BMPER: variants seen among roughly 807,000 people sequenced by gnomAD.
BMPER encodes BMP binding endothelial regulator, also known as BMP-binding endothelial regulator protein.
A neutral mutation model predicts 87.3 loss-of-function variants in BMPER; 45 were observed. That is an observed-to-expected ratio of 0.52 (90% CI 0.41 to 0.66). BMPER has a LOEUF of 0.66. Ranked by LOEUF, BMPER falls within the 30% of genes least tolerant of loss-of-function variation. The probability of loss-of-function intolerance (pLI) is 0.00; values close to 1 mark genes in which losing one functional copy is unlikely to be tolerated. For missense variants in BMPER, 784 were observed against 867.5 expected, an observed-to-expected ratio of 0.90 and a Z score of 1.21; for synonymous variants, 326 against 316.2, an observed-to-expected ratio of 1.03 and a Z score of -0.33.
At chr7:33,958,018 T>C (rs2128615328) in intron 3 of BMPER, among the ~76,000 whole-genome samples, 1 of 152,122 alleles carries the variant, frequency 6.6e-6, no homozygotes, top group African/African-American at 2.4e-5. Flanking sequence ...AGACGGAGGG[T>C]TCCATTCTTG....
intron 12 of BMPER, among the ~76,000 whole-genome samples, chr7:34,082,707 C>A (rs1431086247): frequency 6.6e-6 from 1 of 152,168 alleles, no homozygotes; most frequent in Non-Finnish European, 1.5e-5. Context: ...CAGTCATTCA[C>A]TGTGAGTTGA....
chr7:34,120,711 T>G (rs1275690455), intron 13 of BMPER, among the ~76,000 whole-genome samples: 2 of 152,194 alleles, frequency 1.3e-5, no homozygotes, highest in Non-Finnish European at 2.9e-5. Context: ...TGGAATAGTT[T>G]TAATAGTAGA....
At chr7:33,930,319 G>T (rs1784451790) in intron 2 of BMPER, among the ~76,000 whole-genome samples, 1 of 152,106 alleles carries the variant, frequency 6.6e-6, no homozygotes, top group Non-Finnish European at 1.5e-5. Context: ...ATATTTCTGT[G>T]TAAGAGTTAT....
chr7:33,920,319 C>A (rs1784189712), intron 2 of BMPER, among the ~76,000 whole-genome samples: 1 of 151,656 alleles, frequency 6.6e-6, no homozygotes, highest in Admixed American at 6.6e-5. Context: ...GTAAGAACCA[C>A]CAGGGAAGGC....
chr7:34,153,733 GC>G lies in BMPER; in HGVS notation c.*461del, dbSNP rs1791243834. The G allele has an allele frequency of 5.5e-6, 1 of 183,476 alleles. No individual in the cohort carries two copies. The highest frequency in any genetic ancestry group is 1.2e-5 in the Non-Finnish European group (1 of 86,148). 11.4% of individuals were successfully genotyped at this position (183,476 alleles called of 1,614,324 possible). A position where few individuals can be genotyped will look rare whatever the true frequency, so the allele number is the denominator to read the frequency against. On this transcript the variant is annotated 3_prime_UTR_variant, in exon 15 of 15. Coordinates refer to ENST00000649409, the MANE Select transcript of BMPER (RefSeq NM_001365308.1). ...TGGAGAAGGGCACATTTATCTAGGG[GC>G]ATTTCAGGTTTCCAAAGAAAGGAAT...
chr7:33,982,999 G>GTAA (rs1198719172), intron 6 of BMPER, among the ~76,000 whole-genome samples: 1 of 152,158 alleles, frequency 6.6e-6, no homozygotes, highest in Non-Finnish European at 1.5e-5. Flanking sequence ...GCAGAAAACG[G>GTAA]TAAGGCAAGA....
At chr7:33,993,956 T>C (rs1786315210) in intron 6 of BMPER, among the ~76,000 whole-genome samples, 1 of 152,222 alleles carries the variant, frequency 6.6e-6, no homozygotes, top group Non-Finnish European at 1.5e-5. Flanking sequence ...AGGGACCCAC[T>C]TGAGGAGGCA....
intron 11 of BMPER, among the ~76,000 whole-genome samples, chr7:34,065,627 A>G (rs545465501): frequency 4.8e-4 from 73 of 152,312 alleles, no homozygotes; most frequent in African/African-American, 1.7e-3. Flanking sequence ...TCTGAGTTTA[A>G]TTGAATATGT....
In BMPER at chr7:34,078,904, G is replaced by C. The variant is rs1393194132; in HGVS notation, c.1126G>C (p.Asp376His). ...VFGDPHYNTF[D>H]GRTFNFQGTC... ...TGGAGATCCCCACTACAACACTTTT[G>C]ACGGTCGGACATTTAACTTTCAGGG... Residue 376 changes from aspartate to histidine, a missense_variant, in exon 12 of 15, where the codon GAC (aspartate) becomes CAC (histidine). Physicochemically the swap from Asp to His is moderately conservative, Grantham distance 81 (BLOSUM62 -1). Transcript: ENST00000649409. 1.2e-6 allele frequency: 2 copies of C among 1,614,196 alleles called. No individual in the cohort carries two copies. Among genetic ancestry groups the C allele is most frequent in the African/African-American group, 1.3e-5 (1 of 75,042 alleles).
At chr7:34,032,024 T>A (rs1000288404) in intron 6 of BMPER, among the ~76,000 whole-genome samples, 3 of 147,432 alleles carry the variant, frequency 2.0e-5, no homozygotes, top group African/African-American at 7.4e-5. Context: ...TATATATATA[T>A]AAAATAGTTA....
At chr7:34,127,065 T>C (rs1790422061) in intron 13 of BMPER, among the ~76,000 whole-genome samples, 1 of 152,224 alleles carries the variant, frequency 6.6e-6, no homozygotes, top group South Asian at 2.1e-4. Flanking sequence ...GGAATCATCC[T>C]AAGACACTAT....
chr7:33,935,310 C>T (rs529636725), intron 2 of BMPER, among the ~76,000 whole-genome samples: 2 of 152,054 alleles, frequency 1.3e-5, no homozygotes, highest in Non-Finnish European at 2.9e-5. Context: ...GCCCCAGTGG[C>T]CACAGAAATA....
chr7:34,020,738 A>G (rs543081732), intron 6 of BMPER, among the ~76,000 whole-genome samples: 2 of 152,070 alleles, frequency 1.3e-5, no homozygotes, highest in Admixed American at 1.3e-4. Flanking sequence ...GTGTCTGCTG[A>G]GTCCCAGCAG....
chr7:34,135,426 T>A (rs1019835716), intron 13 of BMPER, among the ~76,000 whole-genome samples: 3 of 152,122 alleles, frequency 2.0e-5, no homozygotes, highest in Admixed American at 6.5e-5. Context: ...ACCTGAGAGT[T>A]AACTGGAGAT....
chr7:34,003,653 G>A (rs1163041610), intron 6 of BMPER, among the ~76,000 whole-genome samples: 1 of 152,016 alleles, frequency 6.6e-6, no homozygotes, highest in Non-Finnish European at 1.5e-5. Flanking sequence ...ACTTGGTAAT[G>A]TCTTAATTTC....
At chr7:34,121,774 C>G (rs571955860) in intron 13 of BMPER, among the ~76,000 whole-genome samples, 2 of 152,270 alleles carry the variant, frequency 1.3e-5, no homozygotes, top group Middle Eastern at 3.4e-3. Context: ...TTTAGTATCT[C>G]TGATGTGCCC....
intron 3 of BMPER, among the ~76,000 whole-genome samples, chr7:33,952,306 C>CT (rs374251760): frequency 1.4e-3 from 207 of 152,288 alleles, no homozygotes; most frequent in African/African-American, 4.7e-3. Flanking sequence ...CTGCTCAGCA[C>CT]TTTAAGATGA....
chr7:33,905,486 C>G (rs1783785234), upstream of BMPER: 12 of 1,260,880 alleles, frequency 9.5e-6, no homozygotes, highest in African/African-American at 1.6e-5. Flanking sequence ...CTCGGGCGCC[C>G]GCCTCCCTCC....
At position 33,979,162 on chromosome 7, in the gene BMPER, TACGCATATGCATAC is replaced by T. The variant is rs533766507; in HGVS notation, c.576+4395_576+4408del. Reference sequence around the variant, plus strand: ...GTGAATATGTATGCGTATATGTGCATACGCATATGCATACACGCATATGCATACACACGTTTGGA... The same window carrying T: ...GTGAATATGTATGCGTATATGTGCATACGCATATGCATACACACGTTTGGA... On this transcript the variant is annotated intron_variant, in intron 6 of 14. Coordinates refer to ENST00000649409, the MANE Select transcript of BMPER (RefSeq NM_001365308.1). Among the ~76,000 whole-genome samples the T allele has an allele frequency of 4.1e-4, 62 of 152,228 alleles. 1 individual carries two copies. Among genetic ancestry groups the T allele is most frequent in the East Asian group, 3.9e-4 (2 of 5,142 alleles).
Sources: allele counts gnomAD v4.1 joint callset (sites outside exome capture counted in the v4.1 genomes callset), GRCh38; gene constraint gnomAD v4.1.1; transcripts MANE v1.5; gene names NCBI Gene and HGNC (gene_info 2026-07-23, HGNC 2026-07-21).